The following CEP128 variants were observed in gnomAD, a reference collection of about 807,000 sequenced individuals.
The protein encoded by CEP128 is centrosomal protein 128, also known as centrosomal protein 128kDa.
A neutral mutation model predicts 156.7 loss-of-function variants in CEP128; 132 were observed. The observed-to-expected ratio is 0.84, with a 90% CI of 0.73 to 0.97. The LOEUF is 0.97. Among genes scored for constraint, CEP128 ranks in the 50% least tolerant of loss-of-function variants. The pLI is 0.00. For missense variants in CEP128, 1,252 were observed against 1,281.9 expected (o/e 0.98, Z 0.36); for synonymous variants, 469 against 448.9 (o/e 1.04, Z -0.57).
chr14:80,492,316 C>T (rs554094116), downstream of CEP128, among the ~76,000 whole-genome samples: 2 of 152,196 alleles, frequency 1.3e-5, no homozygotes, highest in African/African-American at 4.8e-5. Flanking sequence ...CCAAGAGAAG[C>T]CTTTCACACC....
intron 19 of CEP128, among the ~76,000 whole-genome samples, chr14:80,623,801 A>G (rs1893593630): frequency 6.6e-6 from 1 of 152,118 alleles, no homozygotes; most frequent in Admixed American, 6.6e-5. Flanking sequence ...TTCAGTTGAA[A>G]TGTAATAATT....
chr14:80,772,014 G>A (rs1190326329), intron 16 of CEP128, among the ~76,000 whole-genome samples: 2 of 152,106 alleles, frequency 1.3e-5, no homozygotes, highest in Non-Finnish European at 2.9e-5. Flanking sequence ...CTGACCTTCT[G>A]TTTAAAATTC....
chr14:80,821,313 TG>T (rs1168716295), intron 13 of CEP128, among the ~76,000 whole-genome samples: 1 of 152,216 alleles, frequency 6.6e-6, no homozygotes, highest in African/African-American at 2.4e-5. Flanking sequence ...ACAGGAATAA[TG>T]TATGAACAGT....
At chr14:80,662,448 C>T (rs1895440217) in intron 19 of CEP128, among the ~76,000 whole-genome samples, 1 of 152,088 alleles carries the variant, frequency 6.6e-6, no homozygotes, top group Non-Finnish European at 1.5e-5. Context: ...AGAATTATTA[C>T]TCACTGTGAC....
intron 19 of CEP128, among the ~76,000 whole-genome samples, chr14:80,687,867 C>T (rs1040534711): frequency 2.4e-4 from 37 of 152,162 alleles, no homozygotes; most frequent in African/African-American, 7.5e-4. Flanking sequence ...AAACATCTTA[C>T]TCTTTAAAAA....
At chr14:80,560,988 G>A (rs1890648103) in intron 20 of CEP128, among the ~76,000 whole-genome samples, 1 of 152,138 alleles carries the variant, frequency 6.6e-6, no homozygotes, top group Admixed American at 6.5e-5. Context: ...GAATGACTCA[G>A]CCCAGGTCTC....
chr14:80,746,104 A>T (rs546088363), intron 18 of CEP128, among the ~76,000 whole-genome samples: 2 of 152,308 alleles, frequency 1.3e-5, no homozygotes, highest in East Asian at 3.9e-4. Flanking sequence ...CTAAGTGGGA[A>T]GATATCCTAC....
At chr14:80,651,038 C>G (rs908672933) in intron 19 of CEP128, among the ~76,000 whole-genome samples, 1 of 152,182 alleles carries the variant, frequency 6.6e-6, no homozygotes, top group Admixed American at 6.6e-5. Flanking sequence ...GCTGTGAATC[C>G]ACCTGGTCCT....
At position 80,569,124 on chromosome 14, in the gene CEP128, T is replaced by C. The variant is rs566415268; in HGVS notation, c.2857-9822A>G. On this transcript the variant is annotated intron_variant, in intron 20 of 24. Coordinates refer to ENST00000555265, the MANE Select transcript of CEP128 (RefSeq NM_152446.5). ...AAGTAATTGAAAATGTTATAAATAG[T>C]AATAGCTATAAAAACAGCACTAATT... 5.7e-3 allele frequency among the ~76,000 whole-genome samples: 873 copies of C among 152,290 alleles called. 17 individuals are homozygous for C. The highest frequency in any genetic ancestry group is 0.02 in the African/African-American group (851 of 41,554).
intron 14 of CEP128, among the ~76,000 whole-genome samples, chr14:80,791,059 T>C (rs1901680784): frequency 3.3e-5 from 5 of 152,220 alleles, no homozygotes; most frequent in Non-Finnish European, 1.5e-5. Flanking sequence ...GGTGGCTTTG[T>C]GATTTTATTG....
chr14:80,694,282 A>G (rs1896814285), intron 19 of CEP128, among the ~76,000 whole-genome samples: 1 of 152,210 alleles, frequency 6.6e-6, no homozygotes, highest in Non-Finnish European at 1.5e-5. Context: ...GGATGTGGAG[A>G]AATTTTTACG....
At chr14:80,622,179 G>A (rs1893507304) in intron 19 of CEP128, among the ~76,000 whole-genome samples, 1 of 152,058 alleles carries the variant, frequency 6.6e-6, no homozygotes, top group African/African-American at 2.4e-5. Flanking sequence ...CTAAAAATAG[G>A]TATATGTACT....
chr14:80,739,948 ATTT>A (rs1157989171), intron 19 of CEP128, among the ~76,000 whole-genome samples: 3 of 152,194 alleles, frequency 2.0e-5, no homozygotes, highest in Non-Finnish European at 2.9e-5. Context: ...ATATTTGCTG[ATTT>A]TTATTTTGGT....
intron 2 of CEP128, among the ~76,000 whole-genome samples, chr14:80,954,454 T>G (rs747943468): frequency 6.6e-6 from 1 of 152,192 alleles, no homozygotes; most frequent in African/African-American, 2.4e-5. Context: ...TACACATATT[T>G]TAAATGTACG....
At chr14:80,704,583 T>C (rs1429756910) in intron 19 of CEP128, among the ~76,000 whole-genome samples, 2 of 152,060 alleles carry the variant, frequency 1.3e-5, no homozygotes, top group Non-Finnish European at 2.9e-5. Flanking sequence ...TTAATGGAGA[T>C]TATCAGGACT....
intron 19 of CEP128, among the ~76,000 whole-genome samples, chr14:80,672,284 A>AATGT (rs1403663896): frequency 7.0e-6 from 1 of 142,088 alleles, no homozygotes; most frequent in African/African-American, 2.6e-5. Flanking sequence ...ATCATTAAAC[A>AATGT]AATTTTGAGA....
intron 19 of CEP128, among the ~76,000 whole-genome samples, chr14:80,687,608 G>A (rs1468262301): frequency 6.6e-6 from 1 of 152,084 alleles, no homozygotes; most frequent in Non-Finnish European, 1.5e-5. Flanking sequence ...GAGAAGGGTT[G>A]AAAACCTTAC....
downstream of CEP128, among the ~76,000 whole-genome samples, chr14:80,495,954 C>G (rs1193999763): frequency 1.3e-5 from 2 of 152,082 alleles, no homozygotes. Context: ...ATATGGATCA[C>G]CAGGACTGTG....
chr14:80,873,915 T>G (rs1438858726), intron 8 of CEP128, among the ~76,000 whole-genome samples: 1 of 152,202 alleles, frequency 6.6e-6, no homozygotes, highest in Non-Finnish European at 1.5e-5. Flanking sequence ...TCTCTCTTTT[T>G]GCCTGCTGTC....
Sources: gnomAD v4.1 joint callset for allele counts (sites outside exome capture counted in the v4.1 genomes callset) on GRCh38, gnomAD v4.1.1 for gene constraint, MANE v1.5 for transcripts, NCBI Gene and HGNC (gene_info 2026-07-23, HGNC 2026-07-21) for gene names.